TRIM24: variants seen among roughly 807,000 people sequenced by gnomAD.
TRIM24 encodes tripartite motif containing 24.
In TRIM24, 29 loss-of-function variants were observed where a neutral mutation model predicts 123.9. The observed-to-expected ratio is 0.23, with a 90% confidence interval of 0.17 to 0.32. The LOEUF is 0.32. Ranked by LOEUF, TRIM24 falls within the 10% of genes least tolerant of loss-of-function variation. The probability of loss-of-function intolerance (pLI) is 1.00; values close to 1 mark genes in which losing one functional copy is unlikely to be tolerated. For missense variants in TRIM24, 932 were observed against 1,295.3 expected (o/e 0.72, Z 4.31); for synonymous variants, 456 against 461.1 (o/e 0.99, Z 0.14).
chr7:138,554,588 TC>T lies in TRIM24; in HGVS notation c.1262-109del, dbSNP rs1287392831. The T allele has an allele frequency of 2.5e-6, 3 of 1,178,500 alleles. No individual in the cohort carries two copies. Among genetic ancestry groups the T allele is most frequent in the Non-Finnish European group, 3.6e-6 (3 of 834,190 alleles). The allele number at this position is 1,178,500 out of a possible 1,614,324, so 73.0% of individuals were successfully genotyped here. A position where few individuals can be genotyped will look rare whatever the true frequency, so the allele number is the denominator to read the frequency against. On this transcript the variant is annotated intron_variant, in intron 8 of 18. Coordinates refer to ENST00000343526, the MANE Select transcript of TRIM24 (RefSeq NM_015905.3). This position sits in a 1 kb window ranked among gnomAD's most constrained non-coding sequence, Gnocchi z 4.5. Reference sequence around the variant, plus strand: ...TCAGAGTGTTAAAGGGCTCATGAGATCAGAGAATTTCTTGGCAATTTTGAAG... The same window carrying T: ...TCAGAGTGTTAAAGGGCTCATGAGATAGAGAATTTCTTGGCAATTTTGAAG...
At chr7:138,495,902 T>G (rs1442909092) in intron 1 of TRIM24, among the ~76,000 whole-genome samples, 1 of 152,248 alleles carries the variant, frequency 6.6e-6, no homozygotes, top group African/African-American at 2.4e-5. Flanking sequence ...TAAATACTTG[T>G]TATATAATCG....
intron 5 of TRIM24, among the ~76,000 whole-genome samples, chr7:138,527,652 A>G (rs953429420): frequency 2.6e-5 from 4 of 152,216 alleles, no homozygotes; most frequent in African/African-American, 9.6e-5. Context: ...TTGGAGGGTA[A>G]CTATGGGAGA....
At chr7:138,471,955 CA>C (rs1795281340) in intron 1 of TRIM24, among the ~76,000 whole-genome samples, 3 of 151,848 alleles carry the variant, frequency 2.0e-5, no homozygotes, top group African/African-American at 7.3e-5. Flanking sequence ...TATCTCTTAC[CA>C]AAGGCAGCAG....
chr7:138,504,001 C>T (rs745854257), intron 1 of TRIM24, among the ~76,000 whole-genome samples: 8 of 152,148 alleles, frequency 5.3e-5, no homozygotes, highest in Non-Finnish European at 8.8e-5. Flanking sequence ...TGTTGGAAAA[C>T]CACTGCTAGA....
intron 2 of TRIM24, among the ~76,000 whole-genome samples, chr7:138,509,520 G>A (rs1796240570): frequency 6.7e-6 from 1 of 150,058 alleles, no homozygotes; most frequent in Admixed American, 6.6e-5. Context: ...TGACCAATAT[G>A]GTGAAAGCCC....
At chr7:138,534,056 G>A (rs1796810508) in intron 6 of TRIM24, among the ~76,000 whole-genome samples, 1 of 152,126 alleles carries the variant, frequency 6.6e-6, no homozygotes, top group South Asian at 2.1e-4. Context: ...GGGATCGGTG[G>A]TGATATCCCC....
At chr7:138,507,297 T>A (rs1169267393) in intron 2 of TRIM24, among the ~76,000 whole-genome samples, 3 of 152,084 alleles carry the variant, frequency 2.0e-5, no homozygotes, top group African/African-American at 7.2e-5. Flanking sequence ...ACTCTGATAC[T>A]ACACCACCAA....
At position 138,567,630 on chromosome 7, in the gene TRIM24, C is replaced by T. The variant is rs780848525; in HGVS notation, c.1680C>T (p.Phe560=). Residue 560 remains phenylalanine (F), a synonymous_variant, in exon 10 of 19, where the codon TTC becomes TTT. Transcript: ENST00000343526. The stretch of plus-strand genomic sequence containing the variant: ...AGCCAAACCCCCTACAGATGGCTTT[C>T]TTGGCTCAACAAGCCATAAAACAGG... ...AIKPNPLQMA[F]LAQQAIKQWQ... The T allele has an allele frequency of 6.2e-7, 1 of 1,612,266 alleles. No individual in the cohort carries two copies. Among genetic ancestry groups the T allele is most frequent in the Non-Finnish European group, 8.5e-7 (1 of 1,179,388 alleles).
chr7:138,482,816 G>A (rs903460405), intron 1 of TRIM24, among the ~76,000 whole-genome samples: 2 of 151,788 alleles, frequency 1.3e-5, no homozygotes, highest in Non-Finnish European at 2.9e-5. Flanking sequence ...TTGCCCAGGT[G>A]GGTCTTGAAC....
At chr7:138,565,159 G>A (rs574462327) in intron 9 of TRIM24, among the ~76,000 whole-genome samples, 4 of 152,166 alleles carry the variant, frequency 2.6e-5, no homozygotes, top group East Asian at 3.9e-4. Context: ...TCCTGGAACC[G>A]CCTCTTTCAC....
chr7:138,579,233 C>T lies in TRIM24; in HGVS notation c.2286C>T (p.Ser762=), dbSNP rs754427081. The change falls in exon 15 of 19, where the codon TCC becomes TCT. Residue 762 remains serine, a synonymous_variant. Transcript: ENST00000343526. ...ATTATCCAAGAAGCATACTCACCTC[C>T]CTGCTCTTAAATAGCAGTCAGAGCT... ...NANYPRSILT[S]LLLNSSQSST... is the part of the protein sequence containing the mutation. The T allele has an allele frequency of 1.9e-6, 3 of 1,603,392 alleles. No homozygotes were observed. Among genetic ancestry groups the T allele is most frequent in the African/African-American group, 2.7e-5 (2 of 74,656 alleles).
chr7:138,515,394 A>G lies in TRIM24; in HGVS notation c.631+35A>G, dbSNP rs770663144. On this transcript the variant is annotated intron_variant, in intron 3 of 18. Coordinates refer to ENST00000343526, the MANE Select transcript of TRIM24 (RefSeq NM_015905.3). ...GAGATCTTTGCATTTTTTTCCTTCT[A>G]TCTTTCCCCGTCTTTTCTTCCTTCC... The G allele has an allele frequency of 4.5e-5, 72 of 1,602,990 alleles. No homozygotes were observed. The East Asian group carries it at 4.9e-4, about 11-fold the overall frequency.
At position 138,504,277 on chromosome 7, in the gene TRIM24, T is replaced by C. The variant is rs1324025123; in HGVS notation, c.365-13T>C. The C allele has an allele frequency of 6.5e-7, 1 of 1,547,698 alleles. No homozygotes were observed. Among genetic ancestry groups the C allele is most frequent in the South Asian group, 1.2e-5 (1 of 83,530 alleles). Reference sequence around the variant, plus strand: ...TTGTATTAAAACTTAGAATATAATTTTGTTTTTCCCAGTTGGAGTCATTCG... The same window carrying C: ...TTGTATTAAAACTTAGAATATAATTCTGTTTTTCCCAGTTGGAGTCATTCG... On this transcript the variant is annotated splice_polypyrimidine_tract_variant and intron_variant, in intron 1 of 18. Transcript: ENST00000343526.
Position 138,583,972 on chromosome 7 carries a change from C to T in TRIM24, c.2916C>T (p.Ile972=), listed in dbSNP as rs1438060046. 3.7e-6 allele frequency: 6 copies of T among 1,608,668 alleles called. No individual in the cohort carries two copies. The highest frequency in any genetic ancestry group is 1.3e-5 in the African/African-American group (1 of 74,494). ...ATTTTGTAGCTGATTTTAGATTGAT[C>T]TTTCAAAACTGTGCTGAATTCAATG... The part of the protein sequence containing the change: ...PEDFVADFRL[I]FQNCAEFNEP... Residue 972 remains isoleucine (I), a synonymous_variant, in exon 18 of 19, where the codon ATC becomes ATT. Transcript: ENST00000343526.
intron 1 of TRIM24, among the ~76,000 whole-genome samples, chr7:138,467,449 C>G (rs760739933): frequency 2.4e-4 from 37 of 152,190 alleles, no homozygotes; most frequent in Non-Finnish European, 4.4e-5. Context: ...TCAAGTGATT[C>G]TCCTGCCTCA....
chr7:138,497,411 T>C (rs1365900577), intron 1 of TRIM24, among the ~76,000 whole-genome samples: 1 of 145,028 alleles, frequency 6.9e-6, no homozygotes, highest in African/African-American at 2.6e-5. Context: ...TTTTTTTTTT[T>C]TTTTTTTGAG....
chr7:138,583,389 G>T (rs1294267301), intron 17 of TRIM24, among the ~76,000 whole-genome samples: 1 of 152,224 alleles, frequency 6.6e-6, no homozygotes, highest in African/African-American at 2.4e-5. Context: ...GGAGGCTGAG[G>T]CAGGCAGATT....
At chr7:138,471,388 T>C (rs1480112139) in intron 1 of TRIM24, among the ~76,000 whole-genome samples, 2 of 152,138 alleles carry the variant, frequency 1.3e-5, no homozygotes, top group Non-Finnish European at 2.9e-5. Flanking sequence ...TTGCTTTTCA[T>C]CTAGTCTTTC....
intron 1 of TRIM24, among the ~76,000 whole-genome samples, chr7:138,465,328 G>C (rs1795113182): frequency 6.6e-6 from 1 of 152,126 alleles, no homozygotes; most frequent in South Asian, 2.1e-4. Context: ...CAAAACTTTA[G>C]GAAATGGATT....
Sources: allele counts gnomAD v4.1 joint callset (sites outside exome capture counted in the v4.1 genomes callset), GRCh38; gene constraint gnomAD v4.1.1; non-coding constraint Gnocchi (gnomAD v3.1); transcripts MANE v1.5; gene names NCBI Gene and HGNC (gene_info 2026-07-23, HGNC 2026-07-21).